GABRB1: variants seen among roughly 807,000 people sequenced by gnomAD.
The protein encoded by GABRB1 is gamma-aminobutyric acid type A receptor subunit beta1, also known as gamma-aminobutyric acid receptor subunit beta-1.
In GABRB1, 17 loss-of-function variants were observed where a neutral mutation model predicts 51.6. The observed-to-expected ratio is 0.33, with a 90% confidence interval of 0.23 to 0.49. The LOEUF is 0.49. GABRB1 is among the 20% of genes least tolerant of loss of function. The probability of loss-of-function intolerance (pLI) is 0.99; values close to 1 mark genes in which losing one functional copy is unlikely to be tolerated. For synonymous variants in GABRB1, 247 were observed against 218.9 expected (o/e 1.13, Z -1.14); for missense variants, 410 against 600.6 (o/e 0.68, Z 3.32).
At chr4:47,128,510 CATT>C (rs1356410962) in intron 3 of GABRB1, among the ~76,000 whole-genome samples, 9 of 151,976 alleles carry the variant, frequency 5.9e-5, no homozygotes, top group South Asian at 2.1e-4. Flanking sequence ...ATGTTAAAAA[CATT>C]ATGCTGAACA....
chr4:47,147,644 A>G lies in GABRB1; in HGVS notation c.241-13605A>G, dbSNP rs1051355348. ...AGCACGTCGGAAGGGCCAAACCCAG[A>G]CTTCCTGGCTCCTGACATGGGAGAA... On this transcript the variant is annotated intron_variant, in intron 3 of 8. Coordinates refer to ENST00000295454, the MANE Select transcript of GABRB1 (RefSeq NM_000812.4). Among the ~76,000 whole-genome samples, 16 of 152,032 alleles carry G rather than the reference A, an allele frequency of 1.1e-4. No homozygotes were observed. In the East Asian group the frequency reaches 3.1e-3, roughly 29 times the overall value.
chr4:47,071,018 C>G (rs946477217), intron 3 of GABRB1, among the ~76,000 whole-genome samples: 2 of 152,184 alleles, frequency 1.3e-5, no homozygotes, highest in African/African-American at 2.4e-5. Flanking sequence ...CTAGACTTCT[C>G]GTCCTACAAT....
At chr4:47,259,519 C>A (rs1379659617) in intron 4 of GABRB1, among the ~76,000 whole-genome samples, 2 of 152,136 alleles carry the variant, frequency 1.3e-5, no homozygotes, top group Non-Finnish European at 2.9e-5. Flanking sequence ...ATTCACGTCT[C>A]TCAATCACCT....
intron 3 of GABRB1, among the ~76,000 whole-genome samples, chr4:47,061,100 T>G (rs989425953): frequency 2.0e-5 from 3 of 152,244 alleles, no homozygotes; most frequent in Non-Finnish European, 4.4e-5. Context: ...ATGCTTCACA[T>G]AATTCTATTT....
intron 1 of GABRB1, among the ~76,000 whole-genome samples, chr4:46,998,754 AAG>A (rs1724085696): frequency 6.6e-6 from 1 of 151,534 alleles, no homozygotes; most frequent in Non-Finnish European, 1.5e-5. Flanking sequence ...AAAAAAAAAA[AAG>A]TGGAAAGAAT....
At position 47,161,240 on chromosome 4, in the gene GABRB1, A is replaced by G; in HGVS notation, c.241-9A>G. On this transcript the variant is annotated splice_polypyrimidine_tract_variant and intron_variant, in intron 3 of 8. Coordinates refer to ENST00000295454, the MANE Select transcript of GABRB1 (RefSeq NM_000812.4). The stretch of plus-strand genomic sequence containing the variant: ...TTCTTTTTTTTTTTTTGCTTTCTTT[A>G]TTTCACAGGATTATACACTCACCAT... The G allele has an allele frequency of 7.0e-7, 1 of 1,433,988 alleles. No individual in the cohort carries two copies. Among genetic ancestry groups the G allele is most frequent in the Non-Finnish European group, 9.3e-7 (1 of 1,074,498 alleles). 88.8% of individuals were successfully genotyped at this position (1,433,988 alleles called of 1,614,324 possible).
At chr4:47,266,475 T>G (rs2109886706) in intron 4 of GABRB1, among the ~76,000 whole-genome samples, 1 of 152,276 alleles carries the variant, frequency 6.6e-6, no homozygotes, top group East Asian at 1.9e-4. Flanking sequence ...GCATCGGTAT[T>G]TTGAAAGGAA....
intron 3 of GABRB1, among the ~76,000 whole-genome samples, chr4:47,065,341 CAT>C (rs1276734889): frequency 2.0e-5 from 3 of 152,222 alleles, no homozygotes; most frequent in African/African-American, 7.2e-5. Context: ...TTCATGCAGA[CAT>C]GTGATATTTT....
At chr4:47,042,260 T>C (rs1050216910) in intron 3 of GABRB1, among the ~76,000 whole-genome samples, 1 of 151,062 alleles carries the variant, frequency 6.6e-6, no homozygotes, top group Non-Finnish European at 1.5e-5. Context: ...TATACTTTAA[T>C]CTGTAATTTT....
At chr4:47,031,527 G>A (rs1560502647), upstream of GABRB1, 5 of 740,972 alleles carry the variant, frequency 6.7e-6, no homozygotes, top group Non-Finnish European at 9.6e-6. Flanking sequence ...GGCACAAGGT[G>A]TCTTTTGGTA....
At chr4:47,039,875 T>C (rs1475069835) in intron 3 of GABRB1, among the ~76,000 whole-genome samples, 3 of 152,164 alleles carry the variant, frequency 2.0e-5, no homozygotes, top group African/African-American at 7.2e-5. Context: ...AAGCAAGTTG[T>C]AGGACAATGT....
At chr4:47,042,623 A>G (rs1725906629) in intron 3 of GABRB1, among the ~76,000 whole-genome samples, 1 of 151,424 alleles carries the variant, frequency 6.6e-6, no homozygotes, top group African/African-American at 2.4e-5. Flanking sequence ...TGAGTATTAC[A>G]AAGTGAATGA....
intron 4 of GABRB1, among the ~76,000 whole-genome samples, chr4:47,223,862 C>T (rs754410649): frequency 6.6e-6 from 1 of 152,116 alleles, no homozygotes; most frequent in Non-Finnish European, 1.5e-5. Flanking sequence ...GTTGAAGACT[C>T]TCTCTTCCAC....
At chr4:47,127,115 T>G (rs1457157019) in intron 3 of GABRB1, among the ~76,000 whole-genome samples, 1 of 151,858 alleles carries the variant, frequency 6.6e-6, no homozygotes, top group Non-Finnish European at 1.5e-5. Context: ...AAAAACCTAT[T>G]TAAATCCCTC....
chr4:47,209,336 A>C (rs1240516426), intron 4 of GABRB1, among the ~76,000 whole-genome samples: 1 of 152,122 alleles, frequency 6.6e-6, no homozygotes, highest in Non-Finnish European at 1.5e-5. Flanking sequence ...GATACCTTAG[A>C]ATCTCATAGC....
At chr4:47,166,844 T>A (rs536071891) in intron 4 of GABRB1, among the ~76,000 whole-genome samples, 1 of 152,220 alleles carries the variant, frequency 6.6e-6, no homozygotes, top group Non-Finnish European at 1.5e-5. Flanking sequence ...CCTTTTCCCA[T>A]CTTACTGTTG....
chr4:47,196,795 G>C (rs953016398), intron 4 of GABRB1, among the ~76,000 whole-genome samples: 4 of 152,168 alleles, frequency 2.6e-5, no homozygotes, highest in Non-Finnish European at 4.4e-5. Flanking sequence ...TCAGATTATG[G>C]TATAGTTAGA....
intron 4 of GABRB1, among the ~76,000 whole-genome samples, chr4:47,278,597 T>C (rs1356506017): frequency 7.2e-6 from 1 of 139,668 alleles, no homozygotes; most frequent in Non-Finnish European, 1.5e-5. Context: ...TTGAACTGGG[T>C]GGAGCTCCAA....
At chr4:47,249,528 T>G (rs1014282274) in intron 4 of GABRB1, among the ~76,000 whole-genome samples, 1 of 152,010 alleles carries the variant, frequency 6.6e-6, no homozygotes, top group African/African-American at 2.4e-5. Context: ...TAATTACATT[T>G]GTTTAAATCA....
Sources: gnomAD v4.1 joint callset for allele counts (sites outside exome capture counted in the v4.1 genomes callset) on GRCh38, gnomAD v4.1.1 for gene constraint, MANE v1.5 for transcripts, NCBI Gene and HGNC (gene_info 2026-07-23, HGNC 2026-07-21) for gene names.